The following PIK3C2G variants were observed in gnomAD, a reference collection of about 807,000 sequenced individuals.
PIK3C2G encodes the protein phosphatidylinositol 3-kinase C2 domain-containing subunit gamma.
PIK3C2G carries 168 observed loss-of-function variants against 181.1 expected under a neutral mutation model. The ratio of observed to expected loss-of-function variants is 0.93; its 90% CI spans 0.82 to 1.05. PIK3C2G has a LOEUF of 1.05. Ranked by LOEUF, PIK3C2G falls within the 50% of genes least tolerant of loss-of-function variation. The pLI, the probability that PIK3C2G is intolerant of heterozygous loss-of-function variation, is 0.00. For missense variants in PIK3C2G, 1,869 were observed against 1,732.8 expected (o/e 1.08, Z -1.40); for synonymous variants, 573 against 592.2 (o/e 0.97, Z 0.47).
At chr12:18,479,833 G>A (rs990803199) in intron 18 of PIK3C2G, among the ~76,000 whole-genome samples, 4 of 152,176 alleles carry the variant, frequency 2.6e-5, no homozygotes, top group Non-Finnish European at 4.4e-5. Context: ...GTCATAGGTC[G>A]TTGGCCAAAT....
chr12:18,551,733 T>A (rs1429572694), intron 26 of PIK3C2G, among the ~76,000 whole-genome samples: 1 of 152,132 alleles, frequency 6.6e-6, no homozygotes, highest in African/African-American at 2.4e-5. Context: ...AGGCTCTACA[T>A]GGAGTCAAAC....
At chr12:18,306,125 T>G (rs746497261) in intron 5 of PIK3C2G, among the ~76,000 whole-genome samples, 4 of 152,036 alleles carry the variant, frequency 2.6e-5, no homozygotes, top group African/African-American at 9.7e-5. Context: ...GCATATGTAC[T>G]ATATGTACGA....
intron 18 of PIK3C2G, among the ~76,000 whole-genome samples, chr12:18,450,284 G>A (rs984975850): frequency 6.6e-6 from 1 of 152,034 alleles, no homozygotes; most frequent in Admixed American, 6.6e-5. Context: ...GTGCCACCAC[G>A]CCTGGCTAAT....
In PIK3C2G at chr12:18,404,554, G is replaced by A. The variant is rs78883559; in HGVS notation, c.2315+4707G>A. Among the ~76,000 whole-genome samples, 1,386 of 152,254 alleles carry A rather than the reference G, an allele frequency of 9.1e-3. 21 individuals carry two copies. Among genetic ancestry groups the A allele is most frequent in the African/African-American group, 0.032 (1,327 of 41,538 alleles). ...GTAAGGAAAAGTTCACAAAGAAATT[G>A]GATTCTGACTTGAAATATTCATAGG... On this transcript the variant is annotated intron_variant, in intron 16 of 32. Coordinates refer to ENST00000538779, the MANE Select transcript of PIK3C2G (RefSeq NM_001288772.2).
chr12:18,539,264 C>T (rs1944024507), intron 25 of PIK3C2G, among the ~76,000 whole-genome samples: 1 of 151,846 alleles, frequency 6.6e-6, no homozygotes, highest in South Asian at 2.1e-4. Context: ...ACAACATCTA[C>T]CTTGTAGAGT....
intron 18 of PIK3C2G, among the ~76,000 whole-genome samples, chr12:18,456,596 G>A (rs1947643335): frequency 6.6e-6 from 1 of 152,070 alleles, no homozygotes; most frequent in South Asian, 2.1e-4. Flanking sequence ...CCCCTACCTG[G>A]CCAGCACTAT....
intron 18 of PIK3C2G, among the ~76,000 whole-genome samples, chr12:18,474,135 G>C (rs993173183): frequency 3.4e-4 from 51 of 151,982 alleles, no homozygotes; most frequent in African/African-American, 1.2e-3. Flanking sequence ...ACATTCACTA[G>C]GTACTGTTCT....
intron 1 of PIK3C2G, among the ~76,000 whole-genome samples, chr12:18,253,004 G>A (rs531544176): frequency 1.3e-5 from 2 of 152,170 alleles, no homozygotes; most frequent in African/African-American, 4.8e-5. Flanking sequence ...TGAGATGATG[G>A]AAATGTTCCA....
chr12:18,462,618 T>A (rs984598563), intron 18 of PIK3C2G, among the ~76,000 whole-genome samples: 6 of 152,170 alleles, frequency 3.9e-5, no homozygotes, highest in Non-Finnish European at 8.8e-5. Context: ...GAAAGCTAAA[T>A]GAAACAACTG....
At chr12:18,646,430 C>A (rs1950134082) in intron 32 of PIK3C2G, among the ~76,000 whole-genome samples, 1 of 152,140 alleles carries the variant, frequency 6.6e-6, no homozygotes, top group Admixed American at 6.6e-5. Flanking sequence ...TATTGTATCT[C>A]ATGCCCTTTG....
intron 22 of PIK3C2G, among the ~76,000 whole-genome samples, chr12:18,498,801 G>T (rs1941209100): frequency 6.6e-6 from 1 of 152,080 alleles, no homozygotes; most frequent in African/African-American, 2.4e-5. Flanking sequence ...TGATAACAGG[G>T]CTCCTACTTC....
chr12:18,471,720 A>C lies in PIK3C2G; in HGVS notation c.2505-16729A>C, dbSNP rs553527014. Reference sequence around the variant, plus strand: ...TTCCTAACTGATTTTCTGTACCAAAAAAATTTATACTATTATTTGATCCTT... The same window carrying C: ...TTCCTAACTGATTTTCTGTACCAAACAAATTTATACTATTATTTGATCCTT... On this transcript the variant is annotated intron_variant, in intron 18 of 32. Transcript: ENST00000538779. Among the ~76,000 whole-genome samples the C allele has an allele frequency of 1.4e-3, 211 of 152,234 alleles. 1 individual carries two copies. The highest frequency in any genetic ancestry group is 4.8e-3 in the African/African-American group (199 of 41,560).
rs61315448 is a variant in PIK3C2G, at chr12:18,266,013, T to TAAAAAAA, written c.-79+4458_-79+4464dup. On this transcript the variant is annotated intron_variant, in intron 1 of 32. Coordinates refer to ENST00000538779, the MANE Select transcript of PIK3C2G (RefSeq NM_001288772.2). ...TGGGGAACAAGAGCGAGACTTCATC[T>TAAAAAAA]AAAAAAAAAAAAAAAAAAAAAAAAA... Among the ~76,000 whole-genome samples, 71 of 61,758 alleles carry TAAAAAAA rather than the reference T, an allele frequency of 1.1e-3. 1 individual carries two copies. Among genetic ancestry groups the TAAAAAAA allele is most frequent in the Non-Finnish European group, 1.6e-3 (57 of 36,000 alleles). The allele number at this position is 61,758 out of a possible 152,430, so 40.5% of individuals were successfully genotyped here.
At chr12:18,586,389 G>C (rs1431537163) in intron 29 of PIK3C2G, among the ~76,000 whole-genome samples, 1 of 151,976 alleles carries the variant, frequency 6.6e-6, no homozygotes, top group South Asian at 2.1e-4. Context: ...TGACAAAGGG[G>C]ACATTACCAT....
chr12:18,412,863 T>G (rs1253241700), intron 16 of PIK3C2G, among the ~76,000 whole-genome samples: 1 of 152,114 alleles, frequency 6.6e-6, no homozygotes, highest in Non-Finnish European at 1.5e-5. Flanking sequence ...ACCTAAACAC[T>G]TGGTGCTCTT....
intron 18 of PIK3C2G, among the ~76,000 whole-genome samples, chr12:18,426,784 G>A (rs1565710120): frequency 6.6e-6 from 1 of 152,170 alleles, no homozygotes; most frequent in Non-Finnish European, 1.5e-5. Flanking sequence ...TAGCAAAGAA[G>A]ATACACAGGA....
intron 31 of PIK3C2G, among the ~76,000 whole-genome samples, chr12:18,635,350 A>G (rs1379544620): frequency 6.6e-6 from 1 of 152,214 alleles, no homozygotes; most frequent in Non-Finnish European, 1.5e-5. Flanking sequence ...CACGCCATCA[A>G]GGCCAGTTCA....
intron 31 of PIK3C2G, among the ~76,000 whole-genome samples, chr12:18,620,519 TAGACAGAC>T (rs780792628): frequency 7.4e-6 from 1 of 135,632 alleles, no homozygotes; most frequent in Non-Finnish European, 1.6e-5. Flanking sequence ...GATAAATGAT[TAGACAGAC>T]AGATAGATAG....
At chr12:18,674,460 A>G in the PIK3C2G span, among the ~76,000 whole-genome samples, 1 of 152,128 alleles carries the variant, frequency 6.6e-6, no homozygotes, top group Non-Finnish European at 1.5e-5. Flanking sequence ...GGCACGTGAT[A>G]TTTTCTCACT....
Sources: gnomAD v4.1 joint callset for allele counts (sites outside exome capture counted in the v4.1 genomes callset) on GRCh38, gnomAD v4.1.1 for gene constraint, MANE v1.5 for transcripts, NCBI Gene and HGNC (gene_info 2026-07-23, HGNC 2026-07-21) for gene names.